The following AGBL1 variants were observed in gnomAD, a reference collection of about 807,000 sequenced individuals.
AGBL1 encodes cytosolic carboxypeptidase 4.
Under a neutral mutation model 118.9 loss-of-function variants are expected in AGBL1, and 130 were observed. That is an observed-to-expected ratio of 1.09 (90% CI 0.95 to 1.26). The LOEUF is 1.26. Ranked by LOEUF, AGBL1 falls within the 50% of genes most tolerant of loss-of-function variation. The pLI is 0.00. For synonymous variants in AGBL1, 555 were observed against 478.9 expected, an observed-to-expected ratio of 1.16 and a Z score of -2.08; for missense variants, 1,584 against 1,298.1, an observed-to-expected ratio of 1.22 and a Z score of -3.38.
intron 23 of AGBL1, among the ~76,000 whole-genome samples, chr15:86,979,388 T>C (rs2141718742): frequency 6.6e-6 from 1 of 152,344 alleles, no homozygotes; most frequent in African/African-American, 2.4e-5. Context: ...TATCTTACTA[T>C]ATCTAATACA....
At chr15:86,224,283 T>C (rs972011053) in intron 5 of AGBL1, among the ~76,000 whole-genome samples, 1 of 152,150 alleles carries the variant, frequency 6.6e-6, no homozygotes, top group Non-Finnish European at 1.5e-5. Flanking sequence ...GCCACTAAGA[T>C]GTGGGTCAAA....
At chr15:86,354,757 T>C (rs541998536) in intron 17 of AGBL1, among the ~76,000 whole-genome samples, 3 of 152,302 alleles carry the variant, frequency 2.0e-5, no homozygotes, top group Admixed American at 2.0e-4. Flanking sequence ...AGGAATTTTG[T>C]AGGTATAATT....
rs565175206 is a variant in AGBL1 at position 86,384,305 on chromosome 15, C to A, written c.2375-13061C>A. 7.2e-5 allele frequency among the ~76,000 whole-genome samples: 11 copies of A among 152,238 alleles called. No homozygotes were observed. In the South Asian group the frequency reaches 2.1e-3, roughly 29 times the overall value. On this transcript the variant is annotated intron_variant, in intron 17 of 22. Coordinates refer to ENST00000614907, the MANE Select transcript of AGBL1 (RefSeq NM_001386094.1). Reference sequence around the variant, plus strand: ...CCAGGGAGATCTAGGGGCAAAGGAGCTAGTAGCGTGGGATACAAGTGAGCC... The same window carrying A: ...CCAGGGAGATCTAGGGGCAAAGGAGATAGTAGCGTGGGATACAAGTGAGCC...
intron 21 of AGBL1, among the ~76,000 whole-genome samples, chr15:86,598,264 C>CT: frequency 6.6e-6 from 1 of 152,192 alleles, no homozygotes; most frequent in East Asian, 1.9e-4. Flanking sequence ...ATTTAAAACT[C>CT]TGAGTAGAGT....
chr15:86,524,104 T>C (rs1173291663), intron 19 of AGBL1, among the ~76,000 whole-genome samples: 1 of 152,250 alleles, frequency 6.6e-6, no homozygotes, highest in Non-Finnish European at 1.5e-5. Context: ...GATGAATATA[T>C]AATGTAGAAT....
intron 22 of AGBL1, among the ~76,000 whole-genome samples, chr15:86,891,815 C>A (rs559163142): frequency 1.8e-4 from 27 of 152,246 alleles, no homozygotes; most frequent in African/African-American, 6.3e-4. Context: ...CAAAGCCCAG[C>A]TGTATTTTAA....
chr15:86,686,428 T>G (rs954787593), intron 22 of AGBL1, among the ~76,000 whole-genome samples: 1 of 150,908 alleles, frequency 6.6e-6, no homozygotes, highest in South Asian at 2.1e-4. Context: ...TATTGACTGC[T>G]TAGCATATTC....
intron 13 of AGBL1, among the ~76,000 whole-genome samples, chr15:86,268,728 T>G (rs2079111546): frequency 6.6e-6 from 1 of 152,128 alleles, no homozygotes; most frequent in Admixed American, 6.5e-5. Flanking sequence ...TCATGTGTTG[T>G]GTGGTGAGCC....
At chr15:86,317,144 G>A (rs1337140181) in intron 17 of AGBL1, 1 of 152,096 alleles carries the variant, frequency 6.6e-6, no homozygotes, top group Non-Finnish European at 1.5e-5. Context: ...TCTTCCAAAG[G>A]GATTTGCATA....
At chr15:86,294,880 C>T (rs1007129193) in intron 16 of AGBL1, among the ~76,000 whole-genome samples, 10 of 152,180 alleles carry the variant, frequency 6.6e-5, no homozygotes, top group African/African-American at 2.4e-4. Flanking sequence ...TAGCCATTAA[C>T]ACATTTCTCA....
At chr15:86,336,030 A>C (rs1331393468) in intron 17 of AGBL1, among the ~76,000 whole-genome samples, 1 of 152,242 alleles carries the variant, frequency 6.6e-6, no homozygotes, top group African/African-American at 2.4e-5. Context: ...GGTGTTAGAC[A>C]CAAAGATGAG....
chr15:86,437,266 C>T (rs368760257), intron 18 of AGBL1, among the ~76,000 whole-genome samples: 9 of 152,116 alleles, frequency 5.9e-5, no homozygotes, highest in South Asian at 2.1e-4. Context: ...CTCCCCTCTC[C>T]GAGTCCTGGT....
intron 18 of AGBL1, among the ~76,000 whole-genome samples, chr15:86,407,931 AG>A (rs2081554066): frequency 6.6e-6 from 1 of 152,102 alleles, no homozygotes; most frequent in Admixed American, 6.5e-5. Flanking sequence ...TGAGTTTTGC[AG>A]TGCTCACCCA....
At chr15:86,227,632 T>A (rs1250899361) in intron 6 of AGBL1, among the ~76,000 whole-genome samples, 1 of 152,248 alleles carries the variant, frequency 6.6e-6, no homozygotes, top group Non-Finnish European at 1.5e-5. Context: ...GTGTATGTAT[T>A]TGGGTACACA....
At chr15:86,995,248 T>A (rs8037857) in intron 24 of AGBL1, among the ~76,000 whole-genome samples, 14,978 of 152,068 alleles carry the variant, frequency 0.098, 1,311 homozygotes, top group African/African-American at 0.23. Flanking sequence ...TTAGCCGAAC[T>A]TGATGGTGCG....
intron 22 of AGBL1, among the ~76,000 whole-genome samples, chr15:86,746,584 T>C (rs1797765259): frequency 6.6e-6 from 1 of 152,090 alleles, no homozygotes; most frequent in African/African-American, 2.4e-5. Flanking sequence ...ACCATGTTTG[T>C]CTGATTTACA....
At chr15:86,185,698 T>C (rs572435830) in intron 5 of AGBL1, among the ~76,000 whole-genome samples, 15 of 150,778 alleles carry the variant, frequency 9.9e-5, no homozygotes, top group African/African-American at 1.5e-4. Flanking sequence ...TAGGTGGGAA[T>C]TGAACAATGA....
intron 22 of AGBL1, among the ~76,000 whole-genome samples, chr15:86,786,649 C>G (rs1455008726): frequency 6.6e-6 from 1 of 152,168 alleles, no homozygotes; most frequent in Non-Finnish European, 1.5e-5. Context: ...AGGACCATCT[C>G]TCTATCATTT....
chr15:86,707,061 C>T (rs982286006), intron 22 of AGBL1, among the ~76,000 whole-genome samples: 8 of 151,982 alleles, frequency 5.3e-5, no homozygotes, highest in African/African-American at 1.7e-4. Flanking sequence ...ACATTCTGTC[C>T]CTGAGCTGTA....
Sources: gnomAD v4.1 joint callset for allele counts (sites outside exome capture counted in the v4.1 genomes callset) on GRCh38, gnomAD v4.1.1 for gene constraint, MANE v1.5 for transcripts, NCBI Gene and HGNC (gene_info 2026-07-23, HGNC 2026-07-21) for gene names.